The following KIF4A variants were observed in gnomAD, a reference collection of about 807,000 sequenced individuals.
The protein encoded by KIF4A is kinesin family member 4A.
KIF4A carries 7 observed loss-of-function variants against 105.9 expected under a neutral mutation model. That is an observed-to-expected ratio of 0.07 (90% CI 0.04 to 0.12). The LOEUF (loss-of-function observed/expected upper bound fraction) is 0.12. KIF4A is among the 10% of genes least tolerant of loss of function. KIF4A has a pLI of 1.00. For missense variants in KIF4A, 558 were observed against 929.2 expected (o/e 0.60, Z 5.19); for synonymous variants, 281 against 331.3 (o/e 0.85, Z 1.65).
At chrX:70,323,691 T>C (rs1015096653) in intron 7 of KIF4A, among the ~76,000 whole-genome samples, 8 of 111,638 alleles carry the variant, frequency 7.2e-5, no homozygotes, top group African/African-American at 2.6e-4. Flanking sequence ...ATCACAAATC[T>C]GTCCATCTAT....
intron 7 of KIF4A, among the ~76,000 whole-genome samples, chrX:70,320,193 A>G (rs1430910876): frequency 2.7e-5 from 3 of 111,661 alleles, no homozygotes; most frequent in Non-Finnish European, 5.6e-5. Flanking sequence ...GTTCTTCCTT[A>G]GCACCATGGT....
chrX:70,372,474 C>T (rs1195768110), intron 15 of KIF4A, among the ~76,000 whole-genome samples: 1 of 113,836 alleles, frequency 8.8e-6, no homozygotes, highest in Non-Finnish European at 1.9e-5. Context: ...AACCCCGTCT[C>T]CACCAAAAAA....
In KIF4A at chrX:70,367,854, T is replaced by A. The variant is rs768151588; in HGVS notation, c.1675-6297T>A. Among the ~76,000 whole-genome samples, 270 of 112,161 alleles carry A rather than the reference T, an allele frequency of 2.4e-3. 2 individuals carry two copies. Among genetic ancestry groups the A allele is most frequent in the Non-Finnish European group, 4.4e-3 (232 of 53,284 alleles). On this transcript the variant is annotated intron_variant, in intron 15 of 30. Transcript: ENST00000374403. ...AATATCCTACAGAGTGTTTTCCAACTTGGTTCCATTCTCCCCGTCACTTTC... is the reference window on the plus strand; with the variant it reads ...AATATCCTACAGAGTGTTTTCCAACATGGTTCCATTCTCCCCGTCACTTTC...
chrX:70,409,722 A>G (rs1488491845), intron 28 of KIF4A, among the ~76,000 whole-genome samples: 2 of 106,873 alleles, frequency 1.9e-5, no homozygotes, highest in African/African-American at 6.9e-5. Flanking sequence ...GCTTGAACCC[A>G]GGAGGTGGAG....
At chrX:70,344,397 A>G (rs1038134316) in intron 13 of KIF4A, among the ~76,000 whole-genome samples, 5 of 111,578 alleles carry the variant, frequency 4.5e-5, no homozygotes, top group Admixed American at 2.8e-4. Flanking sequence ...ATAACCAATA[A>G]TAAGTAAGTT....
At chrX:70,347,075 C>G (rs5980915) in intron 13 of KIF4A, among the ~76,000 whole-genome samples, 1,861 of 111,873 alleles carry the variant, frequency 0.017, 37 homozygotes, top group African/African-American at 0.057. Context: ...TGAGGAAATT[C>G]AAGCAGTCCT....
At chrX:70,378,357 C>A (rs1213735950) in intron 18 of KIF4A, among the ~76,000 whole-genome samples, 3 of 110,519 alleles carry the variant, frequency 2.7e-5, no homozygotes, top group African/African-American at 9.9e-5. Context: ...AATAACCTAG[C>A]CTTCTACTTT....
At chrX:70,355,444 C>A (rs975881067) in intron 15 of KIF4A, among the ~76,000 whole-genome samples, 19 of 112,074 alleles carry the variant, frequency 1.7e-4, no homozygotes, top group African/African-American at 6.2e-4. Context: ...CTTAAAACCC[C>A]AGCTTGCAGG....
chrX:70,334,229 C>A (rs1446793180), intron 10 of KIF4A, among the ~76,000 whole-genome samples: 1 of 111,846 alleles, frequency 8.9e-6, no homozygotes, highest in East Asian at 2.8e-4. Context: ...TGGGTACTAG[C>A]GCCAGCTGTG....
At chrX:70,343,517 A>G (rs968197322) in intron 11 of KIF4A, among the ~76,000 whole-genome samples, 186 bp from the exon 12 acceptor site, 3 of 111,604 alleles carry the variant, frequency 2.7e-5, no homozygotes, top group African/African-American at 9.8e-5. Context: ...TGTTGACTGA[A>G]GGGCTAATTT....
intron 10 of KIF4A, among the ~76,000 whole-genome samples, chrX:70,338,808 G>A (rs1341188931): frequency 5.4e-5 from 6 of 111,533 alleles, no homozygotes; most frequent in Admixed American, 9.5e-5. Flanking sequence ...GAATTCAGCC[G>A]GGCGCGGTGG....
At chrX:70,327,170 G>A (rs189404374) in intron 7 of KIF4A, among the ~76,000 whole-genome samples, 77 of 111,948 alleles carry the variant, frequency 6.9e-4, no homozygotes, top group Non-Finnish European at 1.7e-4. Flanking sequence ...TTAGCAGGCA[G>A]GTTTGATAAA....
chrX:70,392,170 CAGAA>C (rs2147732194), intron 20 of KIF4A, among the ~76,000 whole-genome samples: 1 of 111,659 alleles, frequency 9.0e-6, no homozygotes, highest in Middle Eastern at 4.6e-3. Context: ...ATACTGGCCT[CAGAA>C]AGAGCTGGGA....
intron 25 of KIF4A, among the ~76,000 whole-genome samples, chrX:70,405,611 G>A (rs141589264): frequency 1.6e-3 from 175 of 111,333 alleles, no homozygotes; most frequent in Admixed American, 2.6e-3. Flanking sequence ...TCCTATGAAT[G>A]TGGTCAGAGC....
chrX:70,332,903 A>G (rs951062063), intron 9 of KIF4A, among the ~76,000 whole-genome samples: 2 of 111,636 alleles, frequency 1.8e-5, no homozygotes, highest in African/African-American at 3.3e-5. Context: ...TAATTTGCTT[A>G]TTCTGTCTTG....
At chrX:70,358,618 G>T (rs975543785) in intron 15 of KIF4A, among the ~76,000 whole-genome samples, 1 of 111,414 alleles carries the variant, frequency 9.0e-6, no homozygotes, top group African/African-American at 3.3e-5. Flanking sequence ...TCTTCTCCCT[G>T]CCTTGCCTTT....
intron 15 of KIF4A, among the ~76,000 whole-genome samples, chrX:70,370,560 G>A (rs2086126894): frequency 9.2e-6 from 1 of 108,351 alleles, no homozygotes; most frequent in African/African-American, 3.3e-5. Context: ...ATAGAATATA[G>A]AATAAATGTA....
chrX:70,290,239 T>C (rs2085752402), intron 1 of KIF4A, 89 bp downstream of exon 1: 1 of 387,210 alleles, frequency 2.6e-6, no homozygotes. Context: ...CCGTTGGAGT[T>C]TTTTCTTTGC....
At chrX:70,418,064 C>T in intron 29 of KIF4A, 60 bp downstream of exon 29, 1 of 953,538 alleles carries the variant, frequency 1.0e-6, no homozygotes, top group Non-Finnish European at 1.5e-6. Flanking sequence ...TTTCCACCCT[C>T]TTTTTCTGCC....
Sources: gnomAD v4.1 joint callset for allele counts (sites outside exome capture counted in the v4.1 genomes callset) on GRCh38, gnomAD v4.1.1 for gene constraint, MANE v1.5 for transcripts, NCBI Gene and HGNC (gene_info 2026-07-23, HGNC 2026-07-21) for gene names.